The following SNX18 variants were observed in gnomAD, a reference collection of about 807,000 sequenced individuals.
The protein encoded by SNX18 is sorting nexin-18.
SNX18 carries 35 observed loss-of-function variants against 48.7 expected under a neutral mutation model. That is an observed-to-expected ratio of 0.72 (90% confidence interval 0.55 to 0.95). The LOEUF (loss-of-function observed/expected upper bound fraction) is 0.95, where lower values mean the gene tolerates loss of function less well. Among genes scored for constraint, SNX18 ranks in the 40% least tolerant of loss-of-function variants. SNX18 has a pLI of 0.00. For synonymous variants in SNX18, 492 were observed against 384.7 expected (o/e 1.28, Z -3.26); for missense variants, 824 against 871.0 (o/e 0.95, Z 0.68).
chr5:54,532,072 G>A (rs1023957367), intron 1 of SNX18, among the ~76,000 whole-genome samples: 1 of 152,102 alleles, frequency 6.6e-6, no homozygotes, highest in Non-Finnish European at 1.5e-5. Context: ...AAAGAGCAGG[G>A]GCCACTTTAC....
At chr5:54,556,994 T>C in the SNX18 span, among the ~76,000 whole-genome samples, 1 of 152,254 alleles carries the variant, frequency 6.6e-6, no homozygotes, top group Non-Finnish European at 1.5e-5. Flanking sequence ...ATCTGCTTTA[T>C]CTTTCAAACT....
At chr5:54,528,488 T>C (rs1223054359) in intron 1 of SNX18, among the ~76,000 whole-genome samples, 1 of 152,208 alleles carries the variant, frequency 6.6e-6, no homozygotes, top group African/African-American at 2.4e-5. Flanking sequence ...AGCATTTGAA[T>C]TCCCCCTTTG....
At chr5:54,594,930 G>A in the SNX18 span, among the ~76,000 whole-genome samples, 1 of 152,164 alleles carries the variant, frequency 6.6e-6, no homozygotes, top group South Asian at 2.1e-4. Flanking sequence ...GCAGTATTTG[G>A]TTTTCTTTTC....
chr5:54,601,714 G>C, the SNX18 span, among the ~76,000 whole-genome samples: 2 of 152,072 alleles, frequency 1.3e-5, no homozygotes, highest in Non-Finnish European at 2.9e-5. Context: ...CTGGTTTCCA[G>C]TTCTGCCTTC....
the SNX18 span, among the ~76,000 whole-genome samples, chr5:54,634,446 C>T: frequency 3.3e-5 from 5 of 152,190 alleles, no homozygotes; most frequent in Non-Finnish European, 7.3e-5. Context: ...GGCCCACGGG[C>T]TGCTGCATGC....
chr5:54,628,978 C>A, the SNX18 span, among the ~76,000 whole-genome samples: 4 of 152,180 alleles, frequency 2.6e-5, no homozygotes, highest in Non-Finnish European at 5.9e-5. Context: ...TTCTTCAGCA[C>A]ACCTGTGTCC....
the SNX18 span, among the ~76,000 whole-genome samples, chr5:54,603,995 T>C: frequency 6.6e-6 from 1 of 152,246 alleles, no homozygotes; most frequent in Non-Finnish European, 1.5e-5. Context: ...TACCTCATTC[T>C]TTCATCTAAC....
the SNX18 span, among the ~76,000 whole-genome samples, chr5:54,633,409 T>C: frequency 6.6e-6 from 1 of 152,132 alleles, no homozygotes; most frequent in Non-Finnish European, 1.5e-5. Context: ...TTTAAAAGGA[T>C]AGAGTTGGGT....
chr5:54,551,231 T>C (rs1405668487), downstream of SNX18, among the ~76,000 whole-genome samples: 1 of 152,192 alleles, frequency 6.6e-6, no homozygotes, highest in Admixed American at 6.5e-5. Flanking sequence ...ATGTTCATTG[T>C]GTTACTTTGC....
the SNX18 span, among the ~76,000 whole-genome samples, chr5:54,567,973 T>C: frequency 1.3e-5 from 2 of 152,188 alleles, no homozygotes; most frequent in African/African-American, 4.8e-5. Context: ...GGAACTTCTA[T>C]CCAGTTTAAT....
At chr5:54,592,945 C>T in the SNX18 span, among the ~76,000 whole-genome samples, 8 of 152,140 alleles carry the variant, frequency 5.3e-5, no homozygotes, top group Non-Finnish European at 8.8e-5. Context: ...GGATTATAGG[C>T]GTGTGCCACC....
chr5:54,573,278 A>G, the SNX18 span, among the ~76,000 whole-genome samples: 18 of 152,260 alleles, frequency 1.2e-4, no homozygotes, highest in African/African-American at 2.2e-4. Flanking sequence ...TACTCGGTCT[A>G]TGGAGTAGCT....
chr5:54,580,107 GAGAGAGAGAGAC>G, the SNX18 span, among the ~76,000 whole-genome samples: 2 of 145,158 alleles, frequency 1.4e-5, no homozygotes, highest in South Asian at 2.1e-4. Context: ...GTCAGAAAGA[GAGAGAGAGAGAC>G]AGAGAGAGAG....
chr5:54,526,825 G>T (rs1210543857), intron 1 of SNX18, among the ~76,000 whole-genome samples: 1 of 152,154 alleles, frequency 6.6e-6, no homozygotes, highest in Non-Finnish European at 1.5e-5. Flanking sequence ...AAACAGTAGA[G>T]CAGGGAAAGA....
At chr5:54,623,580 C>T in the SNX18 span, among the ~76,000 whole-genome samples, 3 of 152,018 alleles carry the variant, frequency 2.0e-5, no homozygotes, top group African/African-American at 7.2e-5. Flanking sequence ...ATTACAGCTA[C>T]AAGAACTTAC....
At chr5:54,618,981 C>T in the SNX18 span, among the ~76,000 whole-genome samples, 1 of 109,690 alleles carries the variant, frequency 9.1e-6, no homozygotes, top group Non-Finnish European at 1.9e-5. Flanking sequence ...TCTAAAAAAG[C>T]AAAACAAAAC....
chr5:54,525,134 T>C (rs1321171547), intron 1 of SNX18, among the ~76,000 whole-genome samples: 1 of 152,224 alleles, frequency 6.6e-6, no homozygotes, highest in Non-Finnish European at 1.5e-5. Context: ...CGCTCACTTA[T>C]CTTTGGCCAA....
At chr5:54,605,044 T>G in the SNX18 span, among the ~76,000 whole-genome samples, 3 of 152,276 alleles carry the variant, frequency 2.0e-5, no homozygotes, top group African/African-American at 7.2e-5. Flanking sequence ...CCTCTGGTCT[T>G]CCTCTGGTGG....
the SNX18 span, among the ~76,000 whole-genome samples, chr5:54,570,861 G>T: frequency 6.6e-6 from 1 of 152,220 alleles, no homozygotes; most frequent in Non-Finnish European, 1.5e-5. Flanking sequence ...GAGCGATTCA[G>T]TAAGGCTTTA....
Sources: gnomAD v4.1 joint callset for allele counts (sites outside exome capture counted in the v4.1 genomes callset) on GRCh38, gnomAD v4.1.1 for gene constraint, MANE v1.5 for transcripts, NCBI Gene and HGNC (gene_info 2026-07-23, HGNC 2026-07-21) for gene names.